The following PARL variants were observed in gnomAD, a reference collection of about 807,000 sequenced individuals.
PARL encodes the protein presenilin-associated rhomboid-like protein, mitochondrial.
A neutral mutation model predicts 51.6 loss-of-function variants in PARL; 44 were observed. The ratio of observed to expected loss-of-function variants is 0.85; its 90% CI spans 0.67 to 1.10. PARL has a LOEUF of 1.10. PARL is among the 50% of genes least tolerant of loss of function. The pLI is 0.00. For missense variants in PARL, 441 were observed against 469.5 expected (o/e 0.94, Z 0.56); for synonymous variants, 172 against 164.0 (o/e 1.05, Z -0.37).
chr3:183,844,374 G>A (rs1729703390), intron 4 of PARL, 48 bp from the exon 5 acceptor site: 1 of 1,191,524 alleles, frequency 8.4e-7, no homozygotes, highest in Non-Finnish European at 1.3e-6. Flanking sequence ...ATGAAAGCAG[G>A]AAAGTCTGAT....
intron 3 of PARL, among the ~76,000 whole-genome samples, chr3:183,865,121 A>T (rs1007334374): frequency 2.6e-5 from 4 of 152,082 alleles, no homozygotes; most frequent in Non-Finnish European, 5.9e-5. Context: ...AGCCTGGGCA[A>T]CAAAGTGAGA....
At position 183,833,774 on chromosome 3, in the gene PARL, C is replaced by T; in HGVS notation, c.880G>A (p.Gly294Arg). 1 of 1,613,736 alleles carries T rather than the reference C, an allele frequency of 6.2e-7. No homozygotes were observed. Among genetic ancestry groups the T allele is most frequent in the Non-Finnish European group, 8.5e-7 (1 of 1,179,566 alleles). ...LAAVCTKIPE[G>R]RLAIIFLPMF... ...GGAAGGAAAATAATGGCAAGCCTCCCTTCTGGGATCTTAGTGCAGACAGCT... is the reference window on the plus strand; with the variant it reads ...GGAAGGAAAATAATGGCAAGCCTCCTTTCTGGGATCTTAGTGCAGACAGCT... Residue 294 changes from glycine to arginine, a missense_variant, in exon 8 of 10, where the codon GGG (glycine) becomes AGG (arginine). By Grantham distance (125) the Gly-to-Arg change is moderately radical (BLOSUM62 -2). Coordinates refer to ENST00000317096, the MANE Select transcript of PARL (RefSeq NM_018622.7).
chr3:183,883,634 T>C, intron 1 of PARL: 1 of 985,376 alleles, frequency 1.0e-6, no homozygotes, highest in Non-Finnish European at 1.2e-6. Context: ...CACCTCCATC[T>C]GTCCTCATTT....
chr3:183,842,150 G>T, intron 6 of PARL, 148 bp downstream of exon 6: 1 of 815,876 alleles, frequency 1.2e-6, no homozygotes, highest in Non-Finnish European at 2.1e-6. Context: ...CCAATCTGTG[G>T]CTCCCTTCTC....
chr3:183,879,930 C>T (rs982817098), intron 1 of PARL, among the ~76,000 whole-genome samples: 1 of 146,818 alleles, frequency 6.8e-6, no homozygotes, highest in African/African-American at 2.5e-5. Flanking sequence ...AGGGTTTCGC[C>T]ATATTGGCCA....
Position 183,883,667 on chromosome 3 carries a change from A to G in PARL, c.125+1055T>C, listed in dbSNP as rs1198571796. Reference sequence around the variant, plus strand: ...TTTTCCACCTCCCCAGGAGTTTAAGATTAGTGCCTGACAGATCTATGTTAG... The same window carrying G: ...TTTTCCACCTCCCCAGGAGTTTAAGGTTAGTGCCTGACAGATCTATGTTAG... On this transcript the variant is annotated intron_variant, in intron 1 of 9. Coordinates refer to ENST00000317096, the MANE Select transcript of PARL (RefSeq NM_018622.7). 4 of 985,072 alleles carry G rather than the reference A, an allele frequency of 4.1e-6. No homozygotes were observed. In the East Asian group the frequency reaches 4.5e-4, roughly 112 times the overall value. The allele number at this position is 985,072 out of a possible 1,614,324, so 61.0% of individuals were successfully genotyped here.
chr3:183,832,666 C>T (rs968903051), intron 9 of PARL, among the ~76,000 whole-genome samples: 1 of 152,178 alleles, frequency 6.6e-6, no homozygotes, highest in African/African-American at 2.4e-5. Flanking sequence ...GGGTCTCCCA[C>T]GATCAGATGG....
chr3:183,870,396 C>T (rs1312096063), intron 1 of PARL, among the ~76,000 whole-genome samples: 3 of 151,298 alleles, frequency 2.0e-5, no homozygotes, highest in African/African-American at 7.3e-5. Flanking sequence ...TATCTCATAC[C>T]TGGATCATGG....
chr3:183,842,433 G>C lies in PARL; in HGVS notation c.622C>G (p.Pro208Ala), dbSNP rs943130201. The change falls in exon 6 of 10, where the codon CCA (proline) becomes GCA (alanine). Residue 208 changes from proline (P) to alanine (A), a missense_variant. Transcript: ENST00000317096. ...TGACTGAATGTTGACAGCAACATTG[G>C]AGAACAAAGGACCTCTACAAGAGAG... Reference protein sequence around the residue: ...SNPASKVLCSPMLLSTFSHFS... With the variant: ...SNPASKVLCSAMLLSTFSHFS... 4.3e-6 allele frequency: 7 copies of C among 1,611,392 alleles called. No homozygotes were observed. Among genetic ancestry groups the C allele is most frequent in the Non-Finnish European group, 5.9e-6 (7 of 1,177,700 alleles).
At chr3:183,884,577 C>T in intron 1 of PARL, 145 bp downstream of exon 1, 1 of 781,880 alleles carries the variant, frequency 1.3e-6, no homozygotes, top group Non-Finnish European at 2.1e-6. Context: ...TGGACGGAGG[C>T]GAGAGAGGAG....
At chr3:183,864,257 C>T (rs1209607245) in intron 3 of PARL, among the ~76,000 whole-genome samples, 1 of 152,112 alleles carries the variant, frequency 6.6e-6, no homozygotes, top group Non-Finnish European at 1.5e-5. Context: ...AGAGAAAACT[C>T]AAAACATCAT....
intron 3 of PARL, among the ~76,000 whole-genome samples, chr3:183,865,958 C>A (rs959495192): frequency 6.6e-6 from 1 of 151,668 alleles, no homozygotes; most frequent in African/African-American, 2.4e-5. Context: ...CGTCTCACTG[C>A]AACCTCTGCC....
chr3:183,846,306 C>G (rs1729945223), intron 4 of PARL, among the ~76,000 whole-genome samples: 1 of 152,046 alleles, frequency 6.6e-6, no homozygotes, highest in Non-Finnish European at 1.5e-5. Context: ...CCAGCCTGAC[C>G]AACATGAAGA....
chr3:183,884,530 G>GGGGCT (rs1424987123), intron 1 of PARL, among the ~76,000 whole-genome samples, 192 bp downstream of exon 1: 8 of 152,216 alleles, frequency 5.3e-5, no homozygotes, highest in Non-Finnish European at 8.8e-5. Flanking sequence ...AGGCTCGCGG[G>GGGGCT]GGGCTGGGCT....
intron 1 of PARL, among the ~76,000 whole-genome samples, chr3:183,871,548 G>GGTGGGGAA (rs1733217431): frequency 6.7e-6 from 1 of 148,800 alleles, no homozygotes. Context: ...GGGGGGGAGG[G>GGTGGGGAA]GTGGGGAAGA....
intron 1 of PARL, among the ~76,000 whole-genome samples, chr3:183,872,297 T>G (rs973620595): frequency 6.6e-5 from 10 of 152,122 alleles, no homozygotes; most frequent in African/African-American, 2.4e-4. Context: ...CCACCATGCC[T>G]GGCCTAAGAA....
At chr3:183,834,933 C>T (rs184200655) in intron 7 of PARL, among the ~76,000 whole-genome samples, 1 of 148,322 alleles carries the variant, frequency 6.7e-6, no homozygotes, top group East Asian at 2.0e-4. Flanking sequence ...GTGGCGGATG[C>T]TTATAATCCC....
chr3:183,867,623 C>T (rs995958919), intron 2 of PARL, among the ~76,000 whole-genome samples: 2 of 151,852 alleles, frequency 1.3e-5, no homozygotes, highest in Non-Finnish European at 2.9e-5. Flanking sequence ...TGGTGTGAAC[C>T]CAGGAGGTGG....
chr3:183,843,776 A>G (rs1729618124), intron 5 of PARL, among the ~76,000 whole-genome samples: 1 of 152,110 alleles, frequency 6.6e-6, no homozygotes, highest in Non-Finnish European at 1.5e-5. Context: ...GCTTGCAGTG[A>G]GCTGAGATCA....
Sources: gnomAD v4.1 joint callset for allele counts (sites outside exome capture counted in the v4.1 genomes callset) on GRCh38, gnomAD v4.1.1 for gene constraint, MANE v1.5 for transcripts, NCBI Gene and HGNC (gene_info 2026-07-23, HGNC 2026-07-21) for gene names.